The following SYT1 variants were observed in gnomAD, a reference collection of about 807,000 sequenced individuals.
SYT1 encodes synaptotagmin 1.
Under a neutral mutation model 44.8 loss-of-function variants are expected in SYT1, and 8 were observed. The ratio of observed to expected loss-of-function variants is 0.18; its 90% CI spans 0.10 to 0.32. The LOEUF (loss-of-function observed/expected upper bound fraction) is 0.32. Among genes scored for constraint, SYT1 ranks in the 10% least tolerant of loss-of-function variants. The pLI, the probability that SYT1 is intolerant of heterozygous loss-of-function variation, is 1.00. For missense variants in SYT1, 286 were observed against 509.3 expected (o/e 0.56, Z 4.22); for synonymous variants, 154 against 188.8 (o/e 0.82, Z 1.51).
intron 4 of SYT1, among the ~76,000 whole-genome samples, chr12:79,237,756 C>T (rs1298285581): frequency 6.6e-6 from 1 of 152,208 alleles, no homozygotes; most frequent in Non-Finnish European, 1.5e-5. Flanking sequence ...TCCTCATCAT[C>T]ACCATTCCCA....
intron 3 of SYT1, among the ~76,000 whole-genome samples, chr12:79,124,483 T>C (rs186487686): frequency 1.3e-4 from 20 of 152,264 alleles, no homozygotes; most frequent in East Asian, 1.2e-3. Context: ...AATATATGGA[T>C]AATCTGGAAA....
At chr12:78,885,275 A>C (rs915759408) in intron 1 of SYT1, among the ~76,000 whole-genome samples, 12 of 144,862 alleles carry the variant, frequency 8.3e-5, no homozygotes, top group African/African-American at 2.8e-4. Context: ...AGGGAAGGGA[A>C]GGAAGGAGGG....
At chr12:79,094,944 A>T (rs1208427024) in intron 3 of SYT1, among the ~76,000 whole-genome samples, 1 of 151,956 alleles carries the variant, frequency 6.6e-6, no homozygotes, top group African/African-American at 2.4e-5. Context: ...AAAGGCAGTC[A>T]AAAAGAAAGA....
chr12:79,306,891 G>T (rs570377975), intron 8 of SYT1, among the ~76,000 whole-genome samples: 253 of 152,244 alleles, frequency 1.7e-3, no homozygotes, highest in African/African-American at 6.0e-3. Context: ...TTTACATCTG[G>T]TTTTTCATAT....
At chr12:79,281,310 G>C (rs901047259) in intron 4 of SYT1, among the ~76,000 whole-genome samples, 2 of 152,042 alleles carry the variant, frequency 1.3e-5, no homozygotes, top group Admixed American at 6.6e-5. Flanking sequence ...TAGAGATATA[G>C]ATAGATATAG....
chr12:79,081,020 A>G (rs575796545), intron 3 of SYT1, among the ~76,000 whole-genome samples: 10 of 152,306 alleles, frequency 6.6e-5, no homozygotes, highest in African/African-American at 1.9e-4. Flanking sequence ...TTCAGATGGT[A>G]TAGAGCTATA....
chr12:79,358,698 C>T (rs1883204585), intron 9 of SYT1, among the ~76,000 whole-genome samples: 1 of 152,128 alleles, frequency 6.6e-6, no homozygotes, highest in Non-Finnish European at 1.5e-5. Flanking sequence ...GCCCACACCC[C>T]TACCTTCAAG....
intron 3 of SYT1, among the ~76,000 whole-genome samples, chr12:79,071,899 A>T (rs969625155): frequency 6.6e-6 from 1 of 152,134 alleles, no homozygotes; most frequent in Non-Finnish European, 1.5e-5. Flanking sequence ...GATACCGGGG[A>T]TTAGGACTTC....
chr12:78,925,211 T>A (rs1405668685), intron 1 of SYT1, among the ~76,000 whole-genome samples: 1 of 151,898 alleles, frequency 6.6e-6, no homozygotes, highest in Non-Finnish European at 1.5e-5. Context: ...TGTAATTCCC[T>A]TCTCTAATTT....
intron 9 of SYT1, among the ~76,000 whole-genome samples, chr12:79,398,732 A>C (rs1419313152): frequency 6.6e-6 from 1 of 152,320 alleles, no homozygotes; most frequent in South Asian, 2.1e-4. Flanking sequence ...GATGAGGAAA[A>C]TTTTCTGGGA....
intron 2 of SYT1, chr12:79,045,942 A>T (rs995315894): frequency 6.6e-6 from 1 of 152,100 alleles, no homozygotes; most frequent in Non-Finnish European, 1.5e-5. Context: ...GCTCTGTGTC[A>T]CTGTTTACCT....
chr12:79,350,696 C>T (rs1037515744), intron 8 of SYT1, among the ~76,000 whole-genome samples: 1 of 152,104 alleles, frequency 6.6e-6, no homozygotes, highest in African/African-American at 2.4e-5. Flanking sequence ...TAAAAGAAAG[C>T]TGCCCTAATT....
intron 4 of SYT1, among the ~76,000 whole-genome samples, chr12:79,284,351 C>T (rs1879198193): frequency 6.6e-6 from 1 of 152,114 alleles, no homozygotes; most frequent in Admixed American, 6.6e-5. Context: ...TTATTTTAAA[C>T]AGCCTGTAAA....
chr12:78,899,244 C>A (rs1245807903), intron 1 of SYT1, among the ~76,000 whole-genome samples: 1 of 150,732 alleles, frequency 6.6e-6, no homozygotes, highest in African/African-American at 2.4e-5. Context: ...GTGTAGGGAA[C>A]TTTGCCTTGT....
chr12:79,183,117 T>C (rs1872629926), intron 3 of SYT1, among the ~76,000 whole-genome samples: 1 of 152,044 alleles, frequency 6.6e-6, no homozygotes, highest in Non-Finnish European at 1.5e-5. Context: ...TTCTGAGCAT[T>C]AGAGATTCAA....
rs140790923 is a variant in SYT1, at chr12:79,186,090, A to G, written c.-17-31413A>G. On this transcript the variant is annotated intron_variant, in intron 3 of 10. Coordinates refer to ENST00000261205, the MANE Select transcript of SYT1 (RefSeq NM_005639.3). ...TATTCAAGGATCCCCTCAAATTTAC[A>G]TCTTCTAAAACTTTCCTCTCATCTT... 2.7e-4 allele frequency among the ~76,000 whole-genome samples: 41 copies of G among 151,998 alleles called. No individual in the cohort carries two copies. In the East Asian group the frequency reaches 6.2e-3, roughly 23 times the overall value.
chr12:79,130,172 A>G (rs936510846), intron 3 of SYT1, among the ~76,000 whole-genome samples: 3 of 152,202 alleles, frequency 2.0e-5, no homozygotes, highest in African/African-American at 7.2e-5. Context: ...TTTTTCAGGA[A>G]TAAAGTGTTT....
chr12:78,879,572 C>G lies in SYT1; in HGVS notation c.-217+14463C>G, dbSNP rs576869881. 2.0e-5 allele frequency among the ~76,000 whole-genome samples: 3 copies of G among 151,806 alleles called. No individual in the cohort carries two copies. The South Asian group carries it at 6.2e-4, about 32-fold the overall frequency. The stretch of plus-strand genomic sequence containing the variant: ...TTCATCTAATTTTGTTATCTAGAAA[C>G]CTGGGAGTTATACTTGTTTCATATG... On this transcript the variant is annotated intron_variant, in intron 1 of 10. Transcript: ENST00000261205.
intron 3 of SYT1, among the ~76,000 whole-genome samples, chr12:79,176,459 A>G (rs1186097252): frequency 3.3e-5 from 5 of 152,042 alleles, no homozygotes; most frequent in African/African-American, 1.2e-4. Context: ...ACAGTTCACA[A>G]GAGTTATGGT....
Sources: allele counts gnomAD v4.1 joint callset (sites outside exome capture counted in the v4.1 genomes callset), GRCh38; gene constraint gnomAD v4.1.1; transcripts MANE v1.5; gene names NCBI Gene and HGNC (gene_info 2026-07-23, HGNC 2026-07-21).